Variants in ATF7 observed in about 807,000 individuals in gnomAD.
ATF7 encodes the protein activating transcription factor 7.
ATF7 carries 10 observed loss-of-function variants against 50.4 expected under a neutral mutation model. That is an observed-to-expected ratio of 0.20 (90% CI 0.12 to 0.34). The LOEUF is 0.34. ATF7 is among the 10% of genes least tolerant of loss of function. ATF7 has a pLI of 1.00. For synonymous variants in ATF7, 201 were observed against 226.4 expected, an observed-to-expected ratio of 0.89 and a Z score of 1.01; for missense variants, 465 against 613.9, an observed-to-expected ratio of 0.76 and a Z score of 2.56.
Position 53,516,755 on chromosome 12 carries a change from C to T in ATF7, c.*382G>A. ...CTGGTAAGGAACAAAAAGGTAACAG[C>T]CACGGCTTAGTGGGAAGAGAGGGAA... On this transcript the variant is annotated 3_prime_UTR_variant, in exon 12 of 12. Coordinates refer to ENST00000420353, the MANE Select transcript of ATF7 (RefSeq NM_006856.3). 1 of 211,082 alleles carries T rather than the reference C, an allele frequency of 4.7e-6. No individual in the cohort carries two copies. Among genetic ancestry groups the T allele is most frequent in the South Asian group, 8.8e-5 (1 of 11,360 alleles). The allele number at this position is 211,082 out of a possible 1,614,324, so 13.1% of individuals were successfully genotyped here.
chr12:53,531,312 C>T (rs371712071), intron 9 of ATF7, among the ~76,000 whole-genome samples: 146 of 151,780 alleles, frequency 9.6e-4, no homozygotes, highest in African/African-American at 3.3e-3. Context: ...ATCCCAGCTA[C>T]TCGGGAGGCT....
chr12:53,601,034 A>G lies in ATF7; in HGVS notation c.-21-13T>C. 3 of 1,546,536 alleles carry G rather than the reference A, an allele frequency of 1.9e-6. No individual in the cohort carries two copies. The highest frequency in any genetic ancestry group is 2.3e-5 in the East Asian group (1 of 43,586). Reference sequence around the variant, plus strand: ...TAGCAGAGAGGAGCTGAGGAGGGGGAGGTGAGGGAAAAAGTTATGTTAAAT... The same window carrying G: ...TAGCAGAGAGGAGCTGAGGAGGGGGGGGTGAGGGAAAAAGTTATGTTAAAT... On this transcript the variant is annotated splice_polypyrimidine_tract_variant and intron_variant, in intron 1 of 11. Transcript: ENST00000420353.
intron 2 of ATF7, among the ~76,000 whole-genome samples, chr12:53,591,273 G>A (rs567540780): frequency 6.6e-6 from 1 of 152,188 alleles, no homozygotes; most frequent in African/African-American, 2.4e-5. Context: ...GCCAAGATAA[G>A]CTGTATAAAA....
chr12:53,537,207 T>C (rs898627022), intron 5 of ATF7, among the ~76,000 whole-genome samples: 6 of 152,066 alleles, frequency 3.9e-5, no homozygotes. Flanking sequence ...TAGCTGGAAC[T>C]ACAGGCATGC....
At chr12:53,577,459 G>A (rs1340324980) in intron 2 of ATF7, among the ~76,000 whole-genome samples, 1 of 152,010 alleles carries the variant, frequency 6.6e-6, no homozygotes, top group Non-Finnish European at 1.5e-5. Flanking sequence ...GCTCATTCCT[G>A]TAATCCCAGC....
At position 53,529,654 on chromosome 12, in the gene ATF7, T is replaced by C. The variant is rs568465261; in HGVS notation, c.927+2090A>G. On this transcript the variant is annotated intron_variant, in intron 9 of 11. Transcript: ENST00000420353. The stretch of plus-strand genomic sequence containing the variant: ...CTATTATTTATAATATATATATATA[T>C]ACACACACACATATATATATACACA... Among the ~76,000 whole-genome samples, 75 of 146,540 alleles carry C rather than the reference T, an allele frequency of 5.1e-4. 2 individuals are homozygous for C. In the East Asian group the frequency reaches 8.6e-3, roughly 17 times the overall value.
intron 1 of ATF7, among the ~76,000 whole-genome samples, chr12:53,602,331 G>A (rs1172704898): frequency 1.3e-5 from 2 of 152,250 alleles, no homozygotes; most frequent in Non-Finnish European, 2.9e-5. Context: ...TGTCAGGCTC[G>A]CGTTGAAATA....
intron 2 of ATF7, among the ~76,000 whole-genome samples, chr12:53,580,378 A>T (rs1301084641): frequency 6.6e-6 from 1 of 151,260 alleles, no homozygotes; most frequent in Non-Finnish European, 1.5e-5. Context: ...AAAAGTAAAA[A>T]GATAGGCCGG....
intron 1 of ATF7, among the ~76,000 whole-genome samples, chr12:53,601,707 A>G (rs11170608): frequency 0.18 from 27,918 of 152,160 alleles, 3,106 homozygotes; most frequent in East Asian, 0.56. Flanking sequence ...AAAAGCAGCA[A>G]TAAAACAAAT....
chr12:53,534,611 C>A lies in ATF7; in HGVS notation c.451G>T (p.Val151Leu). ...TGGAGAGGCAGGGAGCCAGGACGTA[C>A]AATGGTGGGTGTGGGGGTAGAGATC... ...VLISTPTPTI[V>L]RPGSLPLHLG... Residue 151 changes from valine (V) to leucine (L), a missense_variant, in exon 6 of 12, where the codon GTA becomes TTA. Val to Leu is a conservative substitution (Grantham distance 32, BLOSUM62 1). Coordinates refer to ENST00000420353, the MANE Select transcript of ATF7 (RefSeq NM_006856.3). The A allele has an allele frequency of 6.2e-7, 1 of 1,613,352 alleles. No individual in the cohort carries two copies. Among genetic ancestry groups the A allele is most frequent in the African/African-American group, 1.3e-5 (1 of 74,988 alleles).
intron 2 of ATF7, among the ~76,000 whole-genome samples, chr12:53,555,093 G>A (rs1485752426): frequency 1.3e-5 from 2 of 152,060 alleles, no homozygotes; most frequent in African/African-American, 2.4e-5. Context: ...GCTGAGGCAG[G>A]TGGATCACCT....
intron 1 of ATF7, among the ~76,000 whole-genome samples, chr12:53,610,285 C>T (rs1943807147): frequency 6.6e-6 from 1 of 151,898 alleles, no homozygotes; most frequent in South Asian, 2.1e-4. Flanking sequence ...CAAAAATGGG[C>T]CAGGTGCAGT....
chr12:53,521,182 C>T (rs1365493986), intron 11 of ATF7, among the ~76,000 whole-genome samples: 1 of 152,058 alleles, frequency 6.6e-6, no homozygotes, highest in African/African-American at 2.4e-5. Context: ...TTAGTAGAAG[C>T]AGTTTCACCA....
rs1944189370 is a variant in ATF7, at chr12:53,513,369, G to A, written c.*3768C>T. On this transcript the variant is annotated 3_prime_UTR_variant, in exon 12 of 12. Coordinates refer to ENST00000420353, the MANE Select transcript of ATF7 (RefSeq NM_006856.3). ...ATTTGTGTGTACAAACAGACACAGA[G>A]AAATCAGTCCTGTACTATGAGAGGG... is the stretch of plus-strand genomic sequence containing the variant. 6.6e-6 allele frequency: 1 copy of A among 152,154 alleles called. No individual in the cohort carries two copies. The highest frequency in any genetic ancestry group is 2.4e-5 in the African/African-American group (1 of 41,434). The allele number at this position is 152,154 out of a possible 1,614,324, so 9.4% of individuals were successfully genotyped here.
chr12:53,580,685 G>C (rs1383258489), intron 2 of ATF7, among the ~76,000 whole-genome samples: 1 of 135,508 alleles, frequency 7.4e-6, no homozygotes, highest in East Asian at 2.2e-4. Context: ...AAAAAAAAAA[G>C]TAAAAAGATA....
intron 2 of ATF7, among the ~76,000 whole-genome samples, chr12:53,593,249 A>G (rs1218664875): frequency 6.6e-6 from 1 of 152,132 alleles, no homozygotes; most frequent in Admixed American, 6.5e-5. Flanking sequence ...TAAAAATAAA[A>G]ACATAAAATT....
chr12:53,546,977 CTTTTTTT>C (rs565759569), intron 3 of ATF7, among the ~76,000 whole-genome samples: 43 of 116,462 alleles, frequency 3.7e-4, no homozygotes, highest in East Asian at 1.7e-3. Flanking sequence ...CAGGCTGGCT[CTTTTTTT>C]TTTTTTTTTT....
intron 3 of ATF7, among the ~76,000 whole-genome samples, chr12:53,545,820 C>A (rs1467446516): frequency 6.6e-6 from 1 of 151,984 alleles, no homozygotes; most frequent in African/African-American, 2.4e-5. Flanking sequence ...TTTGGAAGGC[C>A]AAGGCAGGCG....
chr12:53,607,190 G>T (rs1057318230), intron 1 of ATF7, among the ~76,000 whole-genome samples: 1 of 152,118 alleles, frequency 6.6e-6, no homozygotes, highest in African/African-American at 2.4e-5. Context: ...CAGTGTAAAA[G>T]TGTTCCTATT....
Sources: gnomAD v4.1 joint callset for allele counts (sites outside exome capture counted in the v4.1 genomes callset) on GRCh38, gnomAD v4.1.1 for gene constraint, MANE v1.5 for transcripts, NCBI Gene and HGNC (gene_info 2026-07-23, HGNC 2026-07-21) for gene names.